PCSK5: variants seen among roughly 807,000 people sequenced by gnomAD.
PCSK5 encodes prohormone convertase 5.
PCSK5 carries 129 observed loss-of-function variants against 233.2 expected under a neutral mutation model. That is an observed-to-expected ratio of 0.55 (90% confidence interval 0.48 to 0.64). PCSK5 has a LOEUF of 0.64. PCSK5 is among the 30% of genes least tolerant of loss of function. The pLI is 0.00. For missense variants in PCSK5, 2,076 were observed against 2,430.1 expected, an observed-to-expected ratio of 0.85 and a Z score of 3.06; for synonymous variants, 825 against 879.2, an observed-to-expected ratio of 0.94 and a Z score of 1.09.
At chr9:76,143,645 G>A (rs1006564291) in intron 10 of PCSK5, among the ~76,000 whole-genome samples, 5 of 151,534 alleles carry the variant, frequency 3.3e-5, no homozygotes, top group Admixed American at 6.6e-5. Context: ...GACATTCAGC[G>A]ACATTTTTTA....
chr9:76,332,868 C>T (rs934222286), intron 34 of PCSK5, among the ~76,000 whole-genome samples: 2 of 152,208 alleles, frequency 1.3e-5, no homozygotes, highest in African/African-American at 4.8e-5. Flanking sequence ...AACGACAGTC[C>T]TTACTGAAAA....
intron 33 of PCSK5, among the ~76,000 whole-genome samples, chr9:76,329,811 C>T (rs556146729): frequency 8.6e-4 from 131 of 151,962 alleles, no homozygotes; most frequent in Admixed American, 2.0e-3. Flanking sequence ...CCAGCCTAGG[C>T]AACAGAGCAA....
Position 76,345,983 on chromosome 9 carries a change from G to A in PCSK5, c.4967-4845G>A, listed in dbSNP as rs191697287. Among the ~76,000 whole-genome samples, 296 of 152,242 alleles carry A rather than the reference G, an allele frequency of 1.9e-3. 1 individual carries two copies. The highest frequency in any genetic ancestry group is 6.8e-3 in the African/African-American group (284 of 41,532). On this transcript the variant is annotated intron_variant, in intron 35 of 37. Transcript: ENST00000674117. ...GATCAGTGCACGTTGGCCTCCCAAA[G>A]TGCTGGGATTACAGGCGTGGACCAC...
intron 9 of PCSK5, among the ~76,000 whole-genome samples, chr9:76,124,745 CAAAAAAA>C (rs58659276): frequency 2.2e-5 from 2 of 92,144 alleles, no homozygotes; most frequent in African/African-American, 4.4e-5. Flanking sequence ...GACTCCATCT[CAAAAAAA>C]AAAAAAAAAA....
At chr9:75,947,111 GAATAAT>G (rs755760583) in intron 2 of PCSK5, among the ~76,000 whole-genome samples, 1 of 152,142 alleles carries the variant, frequency 6.6e-6, no homozygotes, top group Admixed American at 6.5e-5. Flanking sequence ...ATGATGATGA[GAATAAT>G]AATAATTGTT....
chr9:76,310,965 T>C, intron 30 of PCSK5, 114 bp downstream of exon 30: 1 of 703,956 alleles, frequency 1.4e-6, no homozygotes, highest in Non-Finnish European at 2.3e-6. Flanking sequence ...AGCACCCACA[T>C]AAATGTCCTC....
At chr9:75,933,383 G>A (rs1049691082) in intron 2 of PCSK5, among the ~76,000 whole-genome samples, 1 of 152,108 alleles carries the variant, frequency 6.6e-6, no homozygotes, top group South Asian at 2.1e-4. Context: ...ATTGTAGGGT[G>A]TTCTTGCTTT....
chr9:76,134,707 T>C (rs1487547524), intron 10 of PCSK5, among the ~76,000 whole-genome samples: 1 of 152,024 alleles, frequency 6.6e-6, no homozygotes, highest in Non-Finnish European at 1.5e-5. Context: ...TTCTAAGAAA[T>C]GTTACTTTAT....
intron 3 of PCSK5, among the ~76,000 whole-genome samples, chr9:76,023,245 G>T (rs1272153701): frequency 6.6e-6 from 1 of 152,126 alleles, no homozygotes; most frequent in Non-Finnish European, 1.5e-5. Flanking sequence ...AGCTGGTGGC[G>T]GAGAGATTTC....
At chr9:76,192,064 T>G (rs1824413893) in intron 20 of PCSK5, among the ~76,000 whole-genome samples, 1 of 37,924 alleles carries the variant, frequency 2.6e-5, no homozygotes, top group African/African-American at 1.4e-4. Context: ...AGCAAGACTG[T>G]CTCAAAAAAA....
intron 20 of PCSK5, among the ~76,000 whole-genome samples, chr9:76,192,169 T>C (rs1478529624): frequency 6.6e-6 from 1 of 151,520 alleles, no homozygotes; most frequent in African/African-American, 2.4e-5. Flanking sequence ...ATTTCAAGAG[T>C]TGTAATGCTT....
chr9:76,124,319 G>A (rs1832757039), intron 9 of PCSK5, among the ~76,000 whole-genome samples: 1 of 152,178 alleles, frequency 6.6e-6, no homozygotes, highest in South Asian at 2.1e-4. Context: ...ACCCAGTAAA[G>A]CATCTGGTAA....
intron 10 of PCSK5, among the ~76,000 whole-genome samples, chr9:76,140,994 A>G (rs1416806948): frequency 6.6e-6 from 1 of 152,148 alleles, no homozygotes; most frequent in African/African-American, 2.4e-5. Context: ...CTTTACCTAG[A>G]TATTTGTAAA....
intron 3 of PCSK5, among the ~76,000 whole-genome samples, chr9:75,994,421 T>C (rs1587472257): frequency 3.2e-5 from 1 of 30,870 alleles, no homozygotes; most frequent in Non-Finnish European, 8.9e-5. Context: ...TTTTTTTTTT[T>C]TTTTTTTTTT....
chr9:76,024,695 G>T (rs80352925), intron 4 of PCSK5, among the ~76,000 whole-genome samples: 3,758 of 152,210 alleles, frequency 0.025, 145 homozygotes, highest in African/African-American at 0.08. Flanking sequence ...TTTTATGTTT[G>T]TCATTTTCTC....
chr9:76,328,691 T>C (rs1040071046), intron 33 of PCSK5, among the ~76,000 whole-genome samples: 23 of 152,234 alleles, frequency 1.5e-4, no homozygotes, highest in African/African-American at 5.3e-4. Flanking sequence ...AGTTATCAAC[T>C]CTAATAAATT....
intron 14 of PCSK5, 142 bp downstream of exon 14, chr9:76,175,271 G>GGAATCGAATC (rs1163285714): frequency 5.6e-4 from 288 of 517,144 alleles, no homozygotes; most frequent in Middle Eastern, 2.2e-3. Context: ...GGAATGGAAT[G>GGAATCGAATC]GAATCGAATC....
At chr9:76,187,531 T>C (rs970860240) in intron 17 of PCSK5, among the ~76,000 whole-genome samples, 5 of 152,144 alleles carry the variant, frequency 3.3e-5, no homozygotes, top group Middle Eastern at 3.2e-3. Context: ...CTAGCAATTT[T>C]TTTTTAGCCT....
intron 20 of PCSK5, chr9:76,195,377 A>T (rs1479185795): frequency 6.6e-6 from 1 of 152,224 alleles, no homozygotes; most frequent in Non-Finnish European, 1.5e-5. Context: ...AAAGATAAAA[A>T]TGATGTCTGT....
Sources: gnomAD v4.1 joint callset for allele counts (sites outside exome capture counted in the v4.1 genomes callset) on GRCh38, gnomAD v4.1.1 for gene constraint, MANE v1.5 for transcripts, NCBI Gene and HGNC (gene_info 2026-07-23, HGNC 2026-07-21) for gene names.